KNG1: variants seen among roughly 807,000 people sequenced by gnomAD.
The protein encoded by KNG1 is kininogen 1.
In KNG1, 23 loss-of-function variants were observed where a neutral mutation model predicts 47.8. The ratio of observed to expected loss-of-function variants is 0.48; its 90% CI spans 0.35 to 0.68. The LOEUF (loss-of-function observed/expected upper bound fraction) is 0.68. Among genes scored for constraint, KNG1 ranks in the 30% least tolerant of loss-of-function variants. The probability of loss-of-function intolerance (pLI) is 0.01; values close to 1 mark genes in which losing one functional copy is unlikely to be tolerated. For synonymous variants in KNG1, 277 were observed against 277.0 expected (o/e 1.00, Z 0.00); for missense variants, 762 against 790.2 (o/e 0.96, Z 0.43).
intron 1 of KNG1, among the ~76,000 whole-genome samples, chr3:186,719,765 A>T (rs9869244): frequency 0.42 from 63,974 of 151,220 alleles, 13,945 homozygotes; most frequent in South Asian, 0.61. Flanking sequence ...TGAAGAAGAA[A>T]GTGAAAGATA....
chr3:186,727,102 G>T, intron 4 of KNG1, 135 bp from the exon 5 acceptor site: 1 of 680,662 alleles, frequency 1.5e-6, no homozygotes, highest in Non-Finnish European at 2.6e-6. Flanking sequence ...TTTTTGCCTA[G>T]TAATAATAAT....
In KNG1 at chr3:186,742,940, C is replaced by T. The variant is rs1720853785; in HGVS notation, c.*609C>T. On this transcript the variant is annotated 3_prime_UTR_variant, in exon 10 of 10. Coordinates refer to ENST00000644859, the MANE Select transcript of KNG1 (RefSeq NM_001102416.3). ...GAAAAACTTCCAGATTTCAAAGTAA[C>T]AAGAAAGAAGACAGGTTGGCCAAAG... 3 of 983,882 alleles carry T rather than the reference C, an allele frequency of 3.0e-6. No individual in the cohort carries two copies. Among genetic ancestry groups the T allele is most frequent in the African/African-American group, 1.8e-5 (1 of 57,096 alleles). 60.9% of individuals were successfully genotyped at this position (983,882 alleles called of 1,614,324 possible).
intron 2 of KNG1, chr3:186,722,050 G>A (rs1250345597): frequency 1.1e-5 from 2 of 186,874 alleles, no homozygotes; most frequent in African/African-American, 4.9e-5. Flanking sequence ...GGGAGGCAGA[G>A]GTTGCAGTGA....
chr3:186,720,660 T>C lies in KNG1; in HGVS notation c.306+445T>C, dbSNP rs539405011. On this transcript the variant is annotated intron_variant, in intron 2 of 9. Transcript: ENST00000644859. ...TTCTGCTGTATATGGGAGATAATATTGACCTCATCAGGTTGTTGGAGGATG... is the reference window on the plus strand; with the variant it reads ...TTCTGCTGTATATGGGAGATAATATCGACCTCATCAGGTTGTTGGAGGATG... 14 of 202,972 alleles carry C rather than the reference T, an allele frequency of 6.9e-5. No homozygotes were observed. The East Asian group carries it at 1.3e-3, about 19-fold the overall frequency. The allele number at this position is 202,972 out of a possible 1,614,324, so 12.6% of individuals were successfully genotyped here. A position where few individuals can be genotyped will look rare whatever the true frequency, so the allele number is the denominator to read the frequency against.
intron 1 of KNG1, 168 bp downstream of exon 1, chr3:186,717,905 C>T (rs1339444313): frequency 1.8e-5 from 10 of 557,708 alleles, no homozygotes; most frequent in Admixed American, 4.8e-5. Flanking sequence ...CACCCACCAC[C>T]ACCACCACCA....
rs747589676 is a variant in KNG1 at position 186,743,731 on chromosome 3, G to A, written c.*1400G>A. On this transcript the variant is annotated 3_prime_UTR_variant, in exon 10 of 10. Transcript: ENST00000644859. ...GTCACCTAAGGTCCTGCGAGTACAA[G>A]GGTCGACCCCCAAAGGCAGGGGCAG... 3.1e-6 allele frequency: 5 copies of A among 1,614,072 alleles called. No individual in the cohort carries two copies. Among genetic ancestry groups the A allele is most frequent in the Middle Eastern group, 1.6e-4 (1 of 6,062 alleles).
chr3:186,739,971 C>T (rs1454186226), intron 9 of KNG1, among the ~76,000 whole-genome samples: 2 of 152,056 alleles, frequency 1.3e-5, no homozygotes, highest in Non-Finnish European at 1.5e-5. Flanking sequence ...TCCCTTGAAC[C>T]CAGGAGGTGG....
At position 186,743,469 on chromosome 3, in the gene KNG1, A is replaced by G. The variant is rs947164213; in HGVS notation, c.*1138A>G. ...CAATGTTGTACTTTTGCCTAGAAAA[A>G]CAAGATATGGCTTTAAATAGCTACA... is the stretch of plus-strand genomic sequence containing the variant. On this transcript the variant is annotated 3_prime_UTR_variant, in exon 10 of 10. Coordinates refer to ENST00000644859, the MANE Select transcript of KNG1 (RefSeq NM_001102416.3). The G allele has an allele frequency of 1.9e-6, 1 of 527,362 alleles. No homozygotes were observed. Among genetic ancestry groups the G allele is most frequent in the Non-Finnish European group, 3.4e-6 (1 of 292,236 alleles). 32.7% of individuals were successfully genotyped at this position (527,362 alleles called of 1,614,324 possible).
chr3:186,724,359 C>T (rs1177705344), intron 3 of KNG1, among the ~76,000 whole-genome samples: 2 of 152,170 alleles, frequency 1.3e-5, no homozygotes, highest in African/African-American at 4.8e-5. Flanking sequence ...TGGACTTTGC[C>T]TCTATTGACC....
rs1720564943 is a variant in KNG1, at chr3:186,732,587, A to G, written c.843A>G (p.Thr281=). Residue 281 remains threonine, a synonymous_variant, in exon 7 of 10, where the codon ACA becomes ACG. Coordinates refer to ENST00000644859, the MANE Select transcript of KNG1 (RefSeq NM_001102416.3). ...CCAACAGCCCAGAGCTGGAGGAGAC[A>G]CTGACTCACACCATCACAAAGCTTA... is the stretch of plus-strand genomic sequence containing the variant. ...IPTNSPELEE[T]LTHTITKLNA... is the part of the protein sequence containing the mutation. The G allele has an allele frequency of 4.3e-6, 7 of 1,613,860 alleles. No homozygotes were observed. The Admixed American group carries it at 8.3e-5, about 19-fold the overall frequency.
At chr3:186,719,261 T>A (rs1232576336) in intron 1 of KNG1, among the ~76,000 whole-genome samples, 3 of 152,064 alleles carry the variant, frequency 2.0e-5, no homozygotes, top group Non-Finnish European at 4.4e-5. Flanking sequence ...GTAAATTATA[T>A]CTCAATAAAG....
At chr3:186,739,285 T>C (rs761220001) in intron 8 of KNG1, 43 bp from the exon 9 acceptor site, 1 of 1,579,328 alleles carries the variant, frequency 6.3e-7, no homozygotes, top group Non-Finnish European at 8.7e-7. Context: ...AAATGTCTCG[T>C]GAATAACACT....
chr3:186,735,629 A>T (rs4686800), intron 7 of KNG1, among the ~76,000 whole-genome samples: 114,614 of 150,110 alleles, frequency 0.76, 43,571 homozygotes, highest in Middle Eastern at 0.87. Flanking sequence ...AAAAAATAAT[A>T]AAAAAAAAAA....
At chr3:186,721,035 T>C (rs5029991) in intron 2 of KNG1, among the ~76,000 whole-genome samples, 64,286 of 151,666 alleles carry the variant, frequency 0.42, 13,970 homozygotes, top group South Asian at 0.61. Context: ...GTGATCTGCC[T>C]GCCTCAGCCT....
chr3:186,730,528 C>T (rs1720484528), intron 5 of KNG1, among the ~76,000 whole-genome samples: 1 of 150,988 alleles, frequency 6.6e-6, no homozygotes, highest in Non-Finnish European at 1.5e-5. Context: ...TGGTGGCAGA[C>T]GCCTGTAATC....
At chr3:186,721,961 C>A in intron 2 of KNG1, 1 of 168,944 alleles carries the variant, frequency 5.9e-6, no homozygotes, top group South Asian at 1.4e-4. Context: ...ACCAAAAATA[C>A]AAAATTAGCT....
In KNG1 at chr3:186,731,630, G is replaced by T; in HGVS notation, c.757+1G>T. The T allele has an allele frequency of 6.3e-7, 1 of 1,578,970 alleles. No homozygotes were observed. The highest frequency in any genetic ancestry group is 8.7e-7 in the Non-Finnish European group (1 of 1,148,038). On this transcript the variant is annotated splice_donor_variant, in intron 6 of 9. Coordinates refer to ENST00000644859, the MANE Select transcript of KNG1 (RefSeq NM_001102416.3). LOFTEE classifies it high-confidence loss of function. ...TCACAGAACTGTGACATTTATCCAG[G>T]TAAGGAATAACACATGTTGGCACCG... is the stretch of plus-strand genomic sequence containing the variant.
chr3:186,719,555 A>C (rs777886387), intron 1 of KNG1, among the ~76,000 whole-genome samples: 78 of 152,062 alleles, frequency 5.1e-4, no homozygotes, highest in Non-Finnish European at 9.0e-4. Context: ...GGTGAAACTC[A>C]GTCTCTACTA....
At position 186,739,070 on chromosome 3, in the gene KNG1, C is replaced by A. The variant is rs766671366; in HGVS notation, c.931-29C>A. On this transcript the variant is annotated intron_variant, in intron 7 of 9. Transcript: ENST00000644859. ...GATTTATTATGCAAATATTTTTAAG[C>A]GTTTACTTTGTACTAATTAATTTTT... 13 of 1,482,498 alleles carry A rather than the reference C, an allele frequency of 8.8e-6. 1 individual carries two copies. The highest frequency in any genetic ancestry group is 1.2e-5 in the Non-Finnish European group (13 of 1,060,386). The allele number at this position is 1,482,498 out of a possible 1,614,324, so 91.8% of individuals were successfully genotyped here. A position where few individuals can be genotyped will look rare whatever the true frequency, so the allele number is the denominator to read the frequency against.
Sources: allele counts gnomAD v4.1 joint callset (sites outside exome capture counted in the v4.1 genomes callset), GRCh38; gene constraint gnomAD v4.1.1; transcripts MANE v1.5; gene names NCBI Gene and HGNC (gene_info 2026-07-23, HGNC 2026-07-21).